Variants in LSM12 observed in about 807,000 individuals in gnomAD.
LSM12 encodes LSM12 homolog.
For missense variants in LSM12, 108 were observed against 238.9 expected (o/e 0.45, Z 3.61); for synonymous variants, 74 against 87.3 (o/e 0.85, Z 0.85).
At chr17:44,057,501 C>A (rs1442528942) in intron 2 of LSM12, among the ~76,000 whole-genome samples, 1 of 151,398 alleles carries the variant, frequency 6.6e-6, no homozygotes, top group Non-Finnish European at 1.5e-5. Flanking sequence ...GTGGCTCACG[C>A]CTGTAATCCC....
chr17:44,066,926 G>T (rs2049888327), upstream of LSM12, among the ~76,000 whole-genome samples: 1 of 152,194 alleles, frequency 6.6e-6, no homozygotes, highest in Admixed American at 6.5e-5. Context: ...AGAGTTTAAT[G>T]AATGAATTTT....
chr17:44,061,229 A>C (rs1353112212), intron 2 of LSM12, among the ~76,000 whole-genome samples: 1 of 151,832 alleles, frequency 6.6e-6, no homozygotes, highest in African/African-American at 2.4e-5. Context: ...AGGCAGGAGA[A>C]TCACTTGAAC....
rs1183025049 is a variant in LSM12 at position 44,050,289 on chromosome 17, T to C, written c.259-10033A>G. Among the ~76,000 whole-genome samples the C allele has an allele frequency of 1.3e-4, 19 of 150,882 alleles. No homozygotes were observed. In the East Asian group the frequency reaches 3.2e-3, roughly 26 times the overall value. On this transcript the variant is annotated intron_variant, in intron 2 of 4. Coordinates refer to ENST00000293406, the MANE Select transcript of LSM12 (RefSeq NM_001371445.1). ...CTAATTTTTGTATTTTTTTTTTTTT[T>C]AGTAGAGACGGGGTTTTGCCATGTT...
intron 2 of LSM12, among the ~76,000 whole-genome samples, chr17:44,061,116 G>A (rs754187417): frequency 8.3e-4 from 127 of 152,148 alleles, no homozygotes; most frequent in Non-Finnish European, 1.4e-3. Context: ...TCGGGAGTTC[G>A]AGACCAGCCT....
intron 2 of LSM12, 193 bp from the exon 3 acceptor site, chr17:44,040,449 G>A (rs183200549): frequency 7.8e-6 from 4 of 511,608 alleles, no homozygotes; most frequent in African/African-American, 1.9e-5. Context: ...CCAAGAAAAC[G>A]TTCCTTCCTT....
At chr17:44,063,045 G>C (rs568035136) in intron 2 of LSM12, among the ~76,000 whole-genome samples, 35 of 152,150 alleles carry the variant, frequency 2.3e-4, no homozygotes, top group African/African-American at 8.4e-4. Context: ...CTCCAGCCTG[G>C]GCGACACAGA....
intron 2 of LSM12, among the ~76,000 whole-genome samples, chr17:44,042,368 C>G (rs947825825): frequency 3.9e-5 from 6 of 152,118 alleles, no homozygotes; most frequent in Non-Finnish European, 5.9e-5. Context: ...TTATATTCTG[C>G]TTTTACAGTG....
At chr17:44,063,743 C>T (rs956163328) in intron 2 of LSM12, 58 bp downstream of exon 2, 17 of 1,558,244 alleles carry the variant, frequency 1.1e-5, no homozygotes, top group Non-Finnish European at 1.5e-5. Flanking sequence ...CACTAAGACT[C>T]AATGAGACTC....
intron 4 of LSM12, 96 bp from the exon 5 acceptor site, chr17:44,036,396 G>A: frequency 6.6e-7 from 1 of 1,513,080 alleles, no homozygotes; most frequent in Non-Finnish European, 9.1e-7. Flanking sequence ...CATCCTGGCT[G>A]TCCAGCCCAT....
At chr17:44,050,106 T>C (rs1386374776) in intron 2 of LSM12, among the ~76,000 whole-genome samples, 1 of 152,130 alleles carries the variant, frequency 6.6e-6, no homozygotes, top group Non-Finnish European at 1.5e-5. Context: ...TCTTTTTATT[T>C]TTATTTTTTT....
chr17:44,057,716 A>G (rs901171849), intron 2 of LSM12, among the ~76,000 whole-genome samples: 4 of 151,456 alleles, frequency 2.6e-5, no homozygotes, highest in African/African-American at 7.3e-5. Flanking sequence ...CTGAGACAGC[A>G]CTACTGCATT....
At chr17:44,041,328 C>CAA (rs1198570441) in intron 2 of LSM12, among the ~76,000 whole-genome samples, 3,252 of 133,130 alleles carry the variant, frequency 0.024, 41 homozygotes, top group Non-Finnish European at 0.033. Context: ...CACACACACA[C>CAA]ACACAAACAC....
At chr17:44,043,214 C>G (rs748427837) in intron 2 of LSM12, among the ~76,000 whole-genome samples, 1 of 152,206 alleles carries the variant, frequency 6.6e-6, no homozygotes, top group Non-Finnish European at 1.5e-5. Flanking sequence ...TCATTTCAGC[C>G]TCCCCGGGTA....
intron 2 of LSM12, among the ~76,000 whole-genome samples, chr17:44,063,152 C>T (rs1364033744): frequency 1.3e-5 from 2 of 151,962 alleles, no homozygotes; most frequent in East Asian, 1.9e-4. Context: ...CCCAGCTACT[C>T]AGAAGGCCGA....
At chr17:44,064,163 C>T (rs1411015818) in intron 1 of LSM12, among the ~76,000 whole-genome samples, 3 of 152,316 alleles carry the variant, frequency 2.0e-5, no homozygotes, top group African/African-American at 7.2e-5. Flanking sequence ...TCTCTACTGG[C>T]TTTATGGAGA....
At chr17:44,064,674 A>G (rs1394193543) in intron 1 of LSM12, among the ~76,000 whole-genome samples, 2 of 151,056 alleles carry the variant, frequency 1.3e-5, no homozygotes, top group Non-Finnish European at 2.9e-5. Flanking sequence ...CGGAGGTTGC[A>G]GTGAGCCGAG....
chr17:44,062,828 G>C (rs2049816475), intron 2 of LSM12, among the ~76,000 whole-genome samples: 1 of 151,670 alleles, frequency 6.6e-6, no homozygotes, highest in African/African-American at 2.4e-5. Context: ...TTCAAGACCA[G>C]CCTGGGCAAC....
At chr17:44,061,072 C>T (rs2049788594) in intron 2 of LSM12, among the ~76,000 whole-genome samples, 2 of 152,156 alleles carry the variant, frequency 1.3e-5, no homozygotes, top group Non-Finnish European at 1.5e-5. Flanking sequence ...AATTCCAGCA[C>T]TTTGGGAGGC....
At chr17:44,063,760 CCCA>C (rs756494217) in intron 2 of LSM12, 38 bp downstream of exon 2, 1 of 1,581,186 alleles carries the variant, frequency 6.3e-7, no homozygotes, top group Admixed American at 1.8e-5. Context: ...ACTCATCTTT[CCCA>C]CCATTTTAGA....
Sources: allele counts gnomAD v4.1 joint callset (sites outside exome capture counted in the v4.1 genomes callset), GRCh38; gene constraint gnomAD v4.1.1; transcripts MANE v1.5; gene names NCBI Gene and HGNC (gene_info 2026-07-23, HGNC 2026-07-21).